Variants in CYRIA observed in about 807,000 individuals in gnomAD.
CYRIA encodes the protein CYFIP-related Rac1 interactor A.
A neutral mutation model predicts 43.9 loss-of-function variants in CYRIA; 15 were observed. That is an observed-to-expected ratio of 0.34 (90% CI 0.23 to 0.53). CYRIA has a LOEUF of 0.53. CYRIA is among the 20% of genes least tolerant of loss of function. The pLI is 0.94. For missense variants in CYRIA, 236 were observed against 394.2 expected, an observed-to-expected ratio of 0.60 and a Z score of 3.40; for synonymous variants, 117 against 136.0, an observed-to-expected ratio of 0.86 and a Z score of 0.97.
At chr2:16,615,851 T>C (rs1016423387) in intron 2 of CYRIA, among the ~76,000 whole-genome samples, 2 of 152,248 alleles carry the variant, frequency 1.3e-5, no homozygotes, top group Admixed American at 6.5e-5. Flanking sequence ...CCAGCAGCTC[T>C]ACCACTGGGA....
At chr2:16,566,066 G>A (rs534662354) in intron 3 of CYRIA, among the ~76,000 whole-genome samples, 1 of 152,142 alleles carries the variant, frequency 6.6e-6, no homozygotes, top group South Asian at 2.1e-4. Context: ...CGTAAAACAG[G>A]GCACTGAGTG....
At chr2:16,616,072 C>T (rs1262385711) in intron 2 of CYRIA, among the ~76,000 whole-genome samples, 1 of 152,212 alleles carries the variant, frequency 6.6e-6, no homozygotes, top group Non-Finnish European at 1.5e-5. Context: ...CAGTCTTTGT[C>T]AGGTCCCTCA....
At chr2:16,653,096 G>A (rs552062652) in intron 1 of CYRIA, among the ~76,000 whole-genome samples, 17 of 152,222 alleles carry the variant, frequency 1.1e-4, no homozygotes, top group Non-Finnish European at 2.1e-4. Flanking sequence ...TTGAAGACAA[G>A]CCTGGGCCTG....
chr2:16,662,730 C>T lies in CYRIA; in HGVS notation c.-167+3050G>A, dbSNP rs549152423. 8.1e-4 allele frequency among the ~76,000 whole-genome samples: 124 copies of T among 152,334 alleles called. 1 individual carries two copies. The South Asian group carries it at 0.012, about 15-fold the overall frequency. ...CTCCAACCATCACTCCATTGCTCCT[C>T]AAGTGGACAGTGGAAGGACAAATGT... On this transcript the variant is annotated intron_variant, in intron 1 of 11. Transcript: ENST00000381323.
chr2:16,635,945 A>G (rs1360947728), intron 1 of CYRIA, among the ~76,000 whole-genome samples: 2 of 152,138 alleles, frequency 1.3e-5, no homozygotes, highest in African/African-American at 4.8e-5. Flanking sequence ...AACCACCAGA[A>G]GCAGAAACAG....
At chr2:16,601,633 G>A (rs1668209358) in intron 2 of CYRIA, among the ~76,000 whole-genome samples, 1 of 150,884 alleles carries the variant, frequency 6.6e-6, no homozygotes, top group Non-Finnish European at 1.5e-5. Flanking sequence ...CCACTTCTAT[G>A]AGAGTTGGCT....
rs1666331889 is a variant in CYRIA at position 16,552,000 on chromosome 2, T to C, written c.*936A>G. 1 of 152,104 alleles carries C rather than the reference T, an allele frequency of 6.6e-6. No individual in the cohort carries two copies. Among genetic ancestry groups the C allele is most frequent in the Non-Finnish European group, 1.5e-5 (1 of 67,994 alleles). The allele number at this position is 152,104 out of a possible 1,614,324, so 9.4% of individuals were successfully genotyped here. Reference sequence around the variant, plus strand: ...CCTAGTTTTCTGGTAACTAATGCAGTATCCTAGACCTTTGTTCTCATATGA... The same window carrying C: ...CCTAGTTTTCTGGTAACTAATGCAGCATCCTAGACCTTTGTTCTCATATGA... On this transcript the variant is annotated 3_prime_UTR_variant, in exon 12 of 12. Coordinates refer to ENST00000381323, the MANE Select transcript of CYRIA (RefSeq NM_030797.4).
chr2:16,616,909 G>A (rs1011859844), intron 2 of CYRIA, among the ~76,000 whole-genome samples: 10 of 152,218 alleles, frequency 6.6e-5, no homozygotes, highest in African/African-American at 2.4e-4. Context: ...TTGCCCAAGA[G>A]CATCTGGCTC....
chr2:16,566,076 G>A (rs1666922497), intron 3 of CYRIA, among the ~76,000 whole-genome samples: 1 of 152,126 alleles, frequency 6.6e-6, no homozygotes, highest in African/African-American at 2.4e-5. Context: ...GGCACTGAGT[G>A]ATAGAAAAAA....
chr2:16,569,369 G>T (rs1278862757), intron 3 of CYRIA, among the ~76,000 whole-genome samples: 2 of 152,228 alleles, frequency 1.3e-5, no homozygotes, highest in Admixed American at 1.3e-4. Context: ...TGGTTTAGCA[G>T]TGGTGGGATG....
At chr2:16,604,523 A>G (rs1668322830) in intron 2 of CYRIA, among the ~76,000 whole-genome samples, 1 of 152,264 alleles carries the variant, frequency 6.6e-6, no homozygotes, top group Non-Finnish European at 1.5e-5. Flanking sequence ...CCCGTTTACA[A>G]CATGTACACC....
At chr2:16,631,965 T>C (rs1041164684) in intron 1 of CYRIA, among the ~76,000 whole-genome samples, 2 of 152,134 alleles carry the variant, frequency 1.3e-5, no homozygotes, top group Admixed American at 1.3e-4. Context: ...GGCCACATGG[T>C]GTCACATGGC....
intron 2 of CYRIA, among the ~76,000 whole-genome samples, chr2:16,622,733 T>C (rs1366648904): frequency 6.6e-6 from 1 of 152,186 alleles, no homozygotes; most frequent in Non-Finnish European, 1.5e-5. Context: ...AAGTCATGTG[T>C]GTCTAAGTCG....
intron 1 of CYRIA, among the ~76,000 whole-genome samples, chr2:16,655,643 C>T (rs548883391): frequency 2.6e-5 from 4 of 152,330 alleles, no homozygotes; most frequent in South Asian, 2.1e-4. Flanking sequence ...AACTGGAGCA[C>T]GGCCTGATCA....
chr2:16,643,215 C>A (rs1669727448), intron 1 of CYRIA, among the ~76,000 whole-genome samples: 1 of 152,142 alleles, frequency 6.6e-6, no homozygotes, highest in Non-Finnish European at 1.5e-5. Context: ...ATGAAGTAGG[C>A]ATTCAATAAA....
intron 2 of CYRIA, among the ~76,000 whole-genome samples, chr2:16,591,205 A>G (rs999136734): frequency 6.6e-6 from 1 of 152,158 alleles, no homozygotes; most frequent in African/African-American, 2.4e-5. Context: ...GCACTATTAG[A>G]GAATGCAAAT....
At chr2:16,655,249 T>C (rs938462588) in intron 1 of CYRIA, among the ~76,000 whole-genome samples, 2 of 152,222 alleles carry the variant, frequency 1.3e-5, no homozygotes, top group African/African-American at 4.8e-5. Flanking sequence ...CTCTTCCATC[T>C]TGAGAATGCC....
intron 1 of CYRIA, among the ~76,000 whole-genome samples, chr2:16,631,073 TC>T (rs536804207): frequency 7.0e-4 from 106 of 152,332 alleles, no homozygotes; most frequent in African/African-American, 2.5e-3. Flanking sequence ...TGACCTTTAG[TC>T]AGTCACTACT....
intron 2 of CYRIA, among the ~76,000 whole-genome samples, chr2:16,588,891 A>G (rs552514141): frequency 6.6e-6 from 1 of 152,142 alleles, no homozygotes; most frequent in East Asian, 1.9e-4. Context: ...ACTGCAGCCT[A>G]AGACATCTGC....
Sources: allele counts gnomAD v4.1 joint callset (sites outside exome capture counted in the v4.1 genomes callset), GRCh38; gene constraint gnomAD v4.1.1; transcripts MANE v1.5; gene names NCBI Gene and HGNC (gene_info 2026-07-23, HGNC 2026-07-21).